SAMD4A: variants seen among roughly 807,000 people sequenced by gnomAD.
The protein encoded by SAMD4A is protein Smaug homolog 1.
Under a neutral mutation model 81.3 loss-of-function variants are expected in SAMD4A, and 33 were observed. That is an observed-to-expected ratio of 0.41 (90% CI 0.31 to 0.54). The LOEUF is 0.54. Ranked by LOEUF, SAMD4A falls within the 20% of genes least tolerant of loss-of-function variation. The pLI is 0.37. For synonymous variants in SAMD4A, 389 were observed against 382.1 expected (o/e 1.02, Z -0.21); for missense variants, 854 against 951.1 (o/e 0.90, Z 1.34).
intron 3 of SAMD4A, among the ~76,000 whole-genome samples, chr14:54,725,393 A>C (rs909714038): frequency 6.6e-6 from 1 of 152,238 alleles, no homozygotes; most frequent in Admixed American, 6.5e-5. Flanking sequence ...ATCTGAATCA[A>C]AGAAAAAAGA....
chr14:54,760,479 C>T lies in SAMD4A; in HGVS notation c.1495C>T (p.Arg499Cys), dbSNP rs1302543495. 4 of 1,405,036 alleles carry T rather than the reference C, an allele frequency of 2.8e-6. No homozygotes were observed. The highest frequency in any genetic ancestry group is 1.8e-6 in the Non-Finnish European group (2 of 1,088,158). The allele number at this position is 1,405,036 out of a possible 1,614,324, so 87.0% of individuals were successfully genotyped here. A position where few individuals can be genotyped will look rare whatever the true frequency, so the allele number is the denominator to read the frequency against. Residue 499 changes from arginine to cysteine, a missense_variant, in exon 7 of 13, where the codon CGC (arginine) becomes TGC (cysteine). Coordinates refer to ENST00000554335, the MANE Select transcript of SAMD4A (RefSeq NM_015589.6). ...GGGGGACCTCCCCGGGCAGTTCACA[C>T]GCGTCATGGGGAAAGGTAGAGCCTC... is the stretch of plus-strand genomic sequence containing the variant. ...PEGDLPGQFT[R>C]VMGKVCTQLL...
chr14:54,784,662 G>T (rs374988826), intron 12 of SAMD4A, 42 bp downstream of exon 12: 258 of 1,548,746 alleles, frequency 1.7e-4, no homozygotes, highest in Admixed American at 4.3e-4. Context: ...CCCTGTTACC[G>T]TGTGCCTGGG....
intron 3 of SAMD4A, among the ~76,000 whole-genome samples, chr14:54,723,429 A>G (rs2037314517): frequency 1.3e-5 from 2 of 152,350 alleles, no homozygotes; most frequent in South Asian, 4.1e-4. Context: ...CACAGAAGCA[A>G]GAATAGTTTT....
intron 2 of SAMD4A, among the ~76,000 whole-genome samples, chr14:54,590,523 G>T (rs1015030485): frequency 6.6e-6 from 1 of 152,146 alleles, no homozygotes; most frequent in Non-Finnish European, 1.5e-5. Flanking sequence ...GAAGAGCCTA[G>T]GTTATAAAAG....
intron 2 of SAMD4A, among the ~76,000 whole-genome samples, chr14:54,677,961 AG>A (rs1407037354): frequency 6.6e-6 from 1 of 152,190 alleles, no homozygotes; most frequent in Non-Finnish European, 1.5e-5. Flanking sequence ...TCAATCGTAA[AG>A]GAAAAGAAAT....
chr14:54,649,614 G>C (rs772977918), intron 2 of SAMD4A, among the ~76,000 whole-genome samples: 1 of 152,188 alleles, frequency 6.6e-6, no homozygotes, highest in Non-Finnish European at 1.5e-5. Flanking sequence ...AAGTCAATTG[G>C]TGCCTGCTCC....
chr14:54,711,065 G>A (rs1333552058), intron 3 of SAMD4A, among the ~76,000 whole-genome samples: 1 of 152,142 alleles, frequency 6.6e-6, no homozygotes, highest in African/African-American at 2.4e-5. Flanking sequence ...GCTGAAGCTT[G>A]TCTGCCCACC....
At chr14:54,569,863 G>A (rs1208490966) in intron 2 of SAMD4A, among the ~76,000 whole-genome samples, 1 of 152,200 alleles carries the variant, frequency 6.6e-6, no homozygotes, top group African/African-American at 2.4e-5. Flanking sequence ...GAGTAATGGA[G>A]ATGACTTTTC....
chr14:54,760,272 C>A lies in SAMD4A; in HGVS notation c.1288C>A (p.Arg430=), dbSNP rs778712463. The change falls in exon 7 of 13, where the codon CGG becomes AGG. Residue 430 remains arginine, a synonymous_variant. Transcript: ENST00000554335. ...GAGCACCACCCCCGAGGCTCGCCGC[C>A]GGGAGCCCCAGGCCCCGCGTCAGCC... The part of the protein sequence containing the change: ...SPSTTPEARR[R]EPQAPRQPSL... The A allele has an allele frequency of 4.2e-5, 68 of 1,612,442 alleles. No homozygotes were observed. Among genetic ancestry groups the A allele is most frequent in the Non-Finnish European group, 5.4e-5 (64 of 1,179,786 alleles).
At chr14:54,603,571 A>G (rs1258205239) in intron 2 of SAMD4A, among the ~76,000 whole-genome samples, 1 of 151,852 alleles carries the variant, frequency 6.6e-6, no homozygotes, top group Admixed American at 6.6e-5. Context: ...ATTTTTTTAA[A>G]TGGTTGTACA....
intron 3 of SAMD4A, among the ~76,000 whole-genome samples, chr14:54,716,203 C>T (rs1321317861): frequency 2.0e-5 from 3 of 152,172 alleles, no homozygotes; most frequent in Non-Finnish European, 2.9e-5. Flanking sequence ...TGCCCTGTCT[C>T]AAAAACTACC....
At chr14:54,632,357 A>G (rs2034923730) in intron 2 of SAMD4A, among the ~76,000 whole-genome samples, 1 of 152,212 alleles carries the variant, frequency 6.6e-6, no homozygotes, top group Non-Finnish European at 1.5e-5. Context: ...ATACATGACA[A>G]AAACCAAAAG....
At chr14:54,733,528 T>C (rs1258535131) in intron 3 of SAMD4A, among the ~76,000 whole-genome samples, 1 of 152,194 alleles carries the variant, frequency 6.6e-6, no homozygotes, top group East Asian at 1.9e-4. Flanking sequence ...GCTGTCCCTC[T>C]ACCCACACTA....
intron 3 of SAMD4A, among the ~76,000 whole-genome samples, chr14:54,728,044 A>T (rs185125058): frequency 1.6e-3 from 242 of 152,260 alleles, no homozygotes; most frequent in Non-Finnish European, 2.4e-3. Flanking sequence ...ATGCTGTTCA[A>T]TTCCTGTCCT....
At chr14:54,683,775 T>G (rs1487343245) in intron 2 of SAMD4A, among the ~76,000 whole-genome samples, 1 of 152,184 alleles carries the variant, frequency 6.6e-6, no homozygotes, top group Non-Finnish European at 1.5e-5. Flanking sequence ...TAAATTGCTC[T>G]ACACAGAAGA....
At chr14:54,570,563 A>G (rs970388941) in intron 2 of SAMD4A, among the ~76,000 whole-genome samples, 7 of 152,360 alleles carry the variant, frequency 4.6e-5, no homozygotes, top group Non-Finnish European at 7.3e-5. Flanking sequence ...CAACTTGGAA[A>G]GAGACAGAAA....
intron 2 of SAMD4A, among the ~76,000 whole-genome samples, chr14:54,638,706 T>A (rs1228981286): frequency 6.6e-6 from 1 of 152,210 alleles, no homozygotes; most frequent in Non-Finnish European, 1.5e-5. Context: ...TCGTTTATCA[T>A]GTTGTTTCAG....
chr14:54,583,571 T>C (rs1256906588), intron 2 of SAMD4A, among the ~76,000 whole-genome samples: 1 of 152,226 alleles, frequency 6.6e-6, no homozygotes, highest in Non-Finnish European at 1.5e-5. Context: ...CTCCCTTTGA[T>C]TGATCTTTTT....
At chr14:54,749,602 C>T (rs1207372426) in intron 5 of SAMD4A, among the ~76,000 whole-genome samples, 1 of 152,140 alleles carries the variant, frequency 6.6e-6, no homozygotes, top group Non-Finnish European at 1.5e-5. Context: ...ACAAAGGTTC[C>T]CCTTCCTTCT....
Sources: allele counts gnomAD v4.1 joint callset (sites outside exome capture counted in the v4.1 genomes callset), GRCh38; gene constraint gnomAD v4.1.1; transcripts MANE v1.5; gene names NCBI Gene and HGNC (gene_info 2026-07-23, HGNC 2026-07-21).